Variants in MSH6 observed in about 807,000 individuals in gnomAD.
MSH6 encodes the protein DNA mismatch repair protein Msh6.
MSH6 carries 85 observed loss-of-function variants against 119.1 expected under a neutral mutation model. The observed-to-expected ratio is 0.71, with a 90% CI of 0.60 to 0.85. The LOEUF (loss-of-function observed/expected upper bound fraction) is 0.85, where lower values mean the gene tolerates loss of function less well. MSH6 is among the 40% of genes least tolerant of loss of function. MSH6 has a pLI of 0.00. For missense variants in MSH6, 2,163 were observed against 1,655.3 expected (o/e 1.31, Z -5.32); for synonymous variants, 830 against 586.9 (o/e 1.41, Z -5.99).
Position 47,806,886 on chromosome 2 carries a change from T to C in MSH6, c.*26T>C, listed in dbSNP as rs756712244. 4 of 1,521,118 alleles carry C rather than the reference T, an allele frequency of 2.6e-6. No individual in the cohort carries two copies. In the African/African-American group the frequency reaches 5.5e-5, roughly 21 times the overall value. 94.2% of individuals were successfully genotyped at this position (1,521,118 alleles called of 1,614,324 possible). A position where few individuals can be genotyped will look rare whatever the true frequency, so the allele number is the denominator to read the frequency against. ...ACTGACTACATTGGAAGCTTTGAGTTGACTTCTGACAAAGGTGGTAAATTC... is the reference window on the plus strand; with the variant it reads ...ACTGACTACATTGGAAGCTTTGAGTCGACTTCTGACAAAGGTGGTAAATTC... On this transcript the variant is annotated 3_prime_UTR_variant, in exon 10 of 10. Coordinates refer to ENST00000234420, the MANE Select transcript of MSH6 (RefSeq NM_000179.3).
intron 4 of MSH6, 37 bp from the exon 5 acceptor site, chr2:47,803,383 A>G (rs1212292369): frequency 4.3e-6 from 7 of 1,614,068 alleles, no homozygotes; most frequent in South Asian, 1.1e-5. Flanking sequence ...AAAACCCCCA[A>G]ACGATGAAGC....
chr2:47,783,846 G>A (rs1157007910), intron 1 of MSH6: 43 of 853,222 alleles, frequency 5.0e-5, no homozygotes, highest in Non-Finnish European at 5.8e-5. Flanking sequence ...CTGGGAGGTG[G>A]GAGCACTGGG....
chr2:47,809,110 G>C, downstream of MSH6: 2 of 1,218,362 alleles, frequency 1.6e-6, no homozygotes, highest in East Asian at 2.4e-5. Context: ...AATTTAAAAA[G>C]GAAATCAGTC....
intron 9 of MSH6, 24 bp downstream of exon 9, chr2:47,806,675 T>TTA: frequency 6.3e-7 from 1 of 1,598,130 alleles, no homozygotes; most frequent in Non-Finnish European, 8.5e-7. Flanking sequence ...TATAATGGAA[T>TTA]TATAACTAAC....
chr2:47,807,126 A>G, downstream of MSH6: 1 of 467,388 alleles, frequency 2.1e-6, no homozygotes, highest in Non-Finnish European at 3.8e-6. Flanking sequence ...GGGGGAGGAA[A>G]AGCTATGAAA....
Position 47,806,222 on chromosome 2 carries a change from T to C in MSH6, c.3665T>C (p.Phe1222Ser), listed in dbSNP as rs2104537642. 1 of 1,614,100 alleles carries C rather than the reference T, an allele frequency of 6.2e-7. No homozygotes were observed. Among genetic ancestry groups the C allele is most frequent in the Non-Finnish European group, 8.5e-7 (1 of 1,179,990 alleles). Reference protein sequence around the residue: ...VDELGRGTATFDGTAIANAVV... With the variant: ...VDELGRGTATSDGTAIANAVV... ...TTAACAGGAAGAGGTACTGCAACAT[T>C]TGATGGGACGGCAATAGCAAATGCA... The change falls in exon 8 of 10, where the codon TTT becomes TCT. Residue 1222 changes from phenylalanine to serine, a missense_variant. Coordinates refer to ENST00000234420, the MANE Select transcript of MSH6 (RefSeq NM_000179.3).
At chr2:47,790,339 G>T (rs985990909) in intron 1 of MSH6, among the ~76,000 whole-genome samples, 1 of 152,158 alleles carries the variant, frequency 6.6e-6, no homozygotes, top group Non-Finnish European at 1.5e-5. Context: ...CACAAGAATC[G>T]CTTGAACCGG....
intron 1 of MSH6, among the ~76,000 whole-genome samples, chr2:47,788,933 T>TTG (rs1668552212): frequency 1.1e-5 from 1 of 94,054 alleles, no homozygotes; most frequent in African/African-American, 4.7e-5. Context: ...TTTTTTTTTT[T>TTG]TTTTTTTTTT....
intron 7 of MSH6, 79 bp downstream of exon 7, chr2:47,805,786 T>C: frequency 1.8e-6 from 2 of 1,117,922 alleles, no homozygotes; most frequent in Non-Finnish European, 2.7e-6. Context: ...TAGAAGATTA[T>C]CTGAAGTACA....
downstream of MSH6, chr2:47,808,180 C>G: frequency 6.2e-7 from 1 of 1,613,490 alleles, no homozygotes; most frequent in Non-Finnish European, 8.5e-7. Flanking sequence ...GTATCTGTAT[C>G]ATGTGTAGGC....
At position 47,800,209 on chromosome 2, in the gene MSH6, C is replaced by G. The variant is rs587781739; in HGVS notation, c.2226C>G (p.Asn742Lys). The G allele has an allele frequency of 6.2e-6, 10 of 1,614,170 alleles. No homozygotes were observed. In the East Asian group the frequency reaches 2.0e-4, roughly 32 times the overall value. The stretch of plus-strand genomic sequence containing the variant: ...TGCTAGATGCAGTGACATTAAACAA[C>G]TTGGAGATTTTTCTGAATGGAACAA... Reference protein sequence around the residue: ...RMVLDAVTLNNLEIFLNGTNG... With the variant: ...RMVLDAVTLNKLEIFLNGTNG... Residue 742 changes from asparagine (N) to lysine (K), a missense_variant, in exon 4 of 10, where the codon AAC becomes AAG. Physicochemically the swap from Asn to Lys is moderately conservative, Grantham distance 94. Transcript: ENST00000234420.
downstream of MSH6, chr2:47,809,927 T>C (rs1670498994): frequency 1.3e-5 from 7 of 528,608 alleles, no homozygotes; most frequent in Middle Eastern, 4.8e-4. Context: ...CCAACCTAAC[T>C]GTCTTAAAGT....
chr2:47,789,762 A>G lies in MSH6; in HGVS notation c.261-1165A>G, dbSNP rs192864817. Among the ~76,000 whole-genome samples, 259 of 152,300 alleles carry G rather than the reference A, an allele frequency of 1.7e-3. 1 individual carries two copies. Among genetic ancestry groups the G allele is most frequent in the African/African-American group, 5.9e-3 (244 of 41,558 alleles). On this transcript the variant is annotated intron_variant, in intron 1 of 9. Coordinates refer to ENST00000234420, the MANE Select transcript of MSH6 (RefSeq NM_000179.3). ...GTACTTTATCTCTAGATTACGTACA[A>G]TACCTAATAGAATGTAAATGCTTTG...
intron 3 of MSH6, 82 bp from the exon 4 acceptor site, chr2:47,798,529 A>G: frequency 6.7e-7 from 1 of 1,496,782 alleles, no homozygotes; most frequent in Non-Finnish European, 9.1e-7. Context: ...TTATAAAGTC[A>G]AAAAATCATA....
At chr2:47,806,751 C>CTTTTTTTTTTTTTTTTTTTTAAAACT in intron 9 of MSH6, 28 bp from the exon 10 acceptor site, 1 of 1,444,230 alleles carries the variant, frequency 6.9e-7, no homozygotes, top group Non-Finnish European at 9.4e-7. Flanking sequence ...AACAAAAAAA[C>CTTTTTTTTTTTTTTTTTTTTAAAACT]TTTTTTTTTT....
downstream of MSH6, chr2:47,808,609 G>GT: frequency 1.9e-6 from 1 of 514,958 alleles, no homozygotes; most frequent in Non-Finnish European, 3.4e-6. Context: ...CCTGTCATCT[G>GT]TGTCTTCGGA....
At chr2:47,803,256 G>T (rs775219381) in intron 4 of MSH6, among the ~76,000 whole-genome samples, 164 bp from the exon 5 acceptor site, 16 of 152,100 alleles carry the variant, frequency 1.1e-4, no homozygotes, top group Non-Finnish European at 2.1e-4. Flanking sequence ...CACTTCTATG[G>T]TCCAGATGTT....
At chr2:47,809,482 CTA>C (rs1340222835), downstream of MSH6, 1 of 780,274 alleles carries the variant, frequency 1.3e-6, no homozygotes, top group African/African-American at 1.8e-5. Context: ...CTTTCAAAAT[CTA>C]TCTTAAACTG....
chr2:47,800,420 A>T lies in MSH6; in HGVS notation c.2437A>T (p.Lys813Ter), dbSNP rs1198423647. Residue 813 changes from lysine to a stop codon, truncating the protein, a stop_gained, in exon 4 of 10, where the codon AAG becomes TAG. Transcript: ENST00000234420. LOFTEE classifies it high-confidence loss of function. ...DKISEVVELLKKLPDLERLLS... is the reference protein window; with the variant it reads ...DKISEVVELL Reference sequence around the variant, plus strand: ...AATCTCCGAAGTTGTAGAGCTTCTAAAGAAGCTTCCAGATCTTGAGAGGCT... The same window carrying T: ...AATCTCCGAAGTTGTAGAGCTTCTATAGAAGCTTCCAGATCTTGAGAGGCT... 6.2e-7 allele frequency: 1 copy of T among 1,614,102 alleles called. No homozygotes were observed. The highest frequency in any genetic ancestry group is 8.5e-7 in the Non-Finnish European group (1 of 1,180,022).
Sources: gnomAD v4.1 joint callset for allele counts (sites outside exome capture counted in the v4.1 genomes callset) on GRCh38, gnomAD v4.1.1 for gene constraint, MANE v1.5 for transcripts, NCBI Gene and HGNC (gene_info 2026-07-23, HGNC 2026-07-21) for gene names.